The following TRPC4 variants were observed in gnomAD, a reference collection of about 807,000 sequenced individuals.
TRPC4 encodes the protein short transient receptor potential channel 4.
Under a neutral mutation model 99.4 loss-of-function variants are expected in TRPC4, and 49 were observed. The ratio of observed to expected loss-of-function variants is 0.49; its 90% CI spans 0.39 to 0.63. TRPC4 has a LOEUF of 0.63. Ranked by LOEUF, TRPC4 falls within the 20% of genes least tolerant of loss-of-function variation. The pLI is 0.00. For synonymous variants in TRPC4, 454 were observed against 425.9 expected (o/e 1.07, Z -0.81); for missense variants, 898 against 1,152.9 (o/e 0.78, Z 3.20).
chr13:37,824,755 A>C (rs1958146947), intron 1 of TRPC4, among the ~76,000 whole-genome samples: 4 of 152,098 alleles, frequency 2.6e-5, no homozygotes, highest in Admixed American at 1.3e-4. Flanking sequence ...TGTCTCTGCC[A>C]GGCTTTGGTA....
intron 4 of TRPC4, among the ~76,000 whole-genome samples, chr13:37,678,599 T>A (rs987288633): frequency 2.6e-5 from 4 of 152,054 alleles, no homozygotes; most frequent in African/African-American, 9.7e-5. Flanking sequence ...TTAAAGGAAA[T>A]GAACTGGTAG....
chr13:37,744,340 A>G (rs1955679171), intron 3 of TRPC4, among the ~76,000 whole-genome samples: 1 of 152,136 alleles, frequency 6.6e-6, no homozygotes, highest in Admixed American at 6.6e-5. Flanking sequence ...TGTGTAGTAA[A>G]ATTACTCTAG....
chr13:37,791,255 G>A (rs912081609), intron 1 of TRPC4, among the ~76,000 whole-genome samples: 1 of 151,904 alleles, frequency 6.6e-6, no homozygotes, highest in Non-Finnish European at 1.5e-5. Flanking sequence ...AATTAGCCGG[G>A]CATAGTGGCA....
chr13:37,696,916 C>CTTTT (rs5802894), intron 3 of TRPC4, among the ~76,000 whole-genome samples: 1 of 140,990 alleles, frequency 7.1e-6, no homozygotes, highest in South Asian at 2.3e-4. Flanking sequence ...GCTGAAACAT[C>CTTTT]TTTTTTTTTT....
At chr13:37,661,639 C>G (rs1187822031) in intron 6 of TRPC4, among the ~76,000 whole-genome samples, 1 of 152,156 alleles carries the variant, frequency 6.6e-6, no homozygotes, top group East Asian at 1.9e-4. Context: ...AGAGCATTCA[C>G]AAGGGTTCTC....
intron 1 of TRPC4, among the ~76,000 whole-genome samples, chr13:37,848,310 T>C (rs1291636697): frequency 6.6e-6 from 1 of 152,126 alleles, no homozygotes; most frequent in Non-Finnish European, 1.5e-5. Flanking sequence ...TCAAAAATAA[T>C]ATCAATAGTA....
chr13:37,839,835 G>C lies in TRPC4; in HGVS notation c.-28+29760C>G, dbSNP rs113636886. On this transcript the variant is annotated intron_variant, in intron 1 of 10. Coordinates refer to ENST00000379705, the MANE Select transcript of TRPC4 (RefSeq NM_016179.4). ...AAGTCAAATGAAAGACATTGTGAAA[G>C]TGTCTGTCACAGAAAAATTATCATG... 2.9e-3 allele frequency among the ~76,000 whole-genome samples: 440 copies of C among 152,228 alleles called. 4 individuals carry two copies. The highest frequency in any genetic ancestry group is 8.9e-3 in the African/African-American group (371 of 41,556).
chr13:37,670,434 A>G (rs1170177621), intron 5 of TRPC4, among the ~76,000 whole-genome samples: 1 of 152,210 alleles, frequency 6.6e-6, no homozygotes, highest in African/African-American at 2.4e-5. Context: ...ATCCTCAGAT[A>G]GGAGGTAGAA....
rs557344244 is a variant in TRPC4, at chr13:37,632,728, T to G, written c.*4175A>C. ...TTATTATTACCAGTATGCATACAGGTTATCATAAAATCTACACTTCCAGTG... is the reference window on the plus strand; with the variant it reads ...TTATTATTACCAGTATGCATACAGGGTATCATAAAATCTACACTTCCAGTG... On this transcript the variant is annotated 3_prime_UTR_variant, in exon 11 of 11. Coordinates refer to ENST00000379705, the MANE Select transcript of TRPC4 (RefSeq NM_016179.4). Among the ~76,000 whole-genome samples the G allele has an allele frequency of 6.6e-6, 1 of 152,052 alleles. No individual in the cohort carries two copies. Among genetic ancestry groups the G allele is most frequent in the African/African-American group, 2.4e-5 (1 of 41,404 alleles).
intron 3 of TRPC4, among the ~76,000 whole-genome samples, chr13:37,741,257 C>A (rs1423741329): frequency 6.6e-6 from 1 of 152,106 alleles, no homozygotes; most frequent in African/African-American, 2.4e-5. Context: ...ATTTAGTAAT[C>A]TTACAAATAT....
intron 1 of TRPC4, among the ~76,000 whole-genome samples, chr13:37,842,368 AAAGGAAAAG>A (rs1958765517): frequency 7.2e-6 from 1 of 139,000 alleles, no homozygotes; most frequent in South Asian, 2.2e-4. Context: ...AAAAAAAAAA[AAAGGAAAAG>A]GAAAAGTATA....
At chr13:37,733,778 A>C (rs1955311787) in intron 3 of TRPC4, among the ~76,000 whole-genome samples, 1 of 152,164 alleles carries the variant, frequency 6.6e-6, no homozygotes, top group South Asian at 2.1e-4. Flanking sequence ...TTGAAACTGC[A>C]CTAATAATCA....
chr13:37,752,976 CCACA>C (rs4054480), intron 2 of TRPC4, among the ~76,000 whole-genome samples: 2 of 150,552 alleles, frequency 1.3e-5, no homozygotes, highest in Admixed American at 6.6e-5. Context: ...CTTTCTCCCT[CCACA>C]CACACACACA....
intron 1 of TRPC4, among the ~76,000 whole-genome samples, chr13:37,785,598 C>T (rs577770340): frequency 1.3e-4 from 20 of 152,174 alleles, no homozygotes; most frequent in Middle Eastern, 3.4e-3. Context: ...AAAATACACA[C>T]GCACTTACAC....
chr13:37,865,073 G>A (rs1341070927), intron 1 of TRPC4, among the ~76,000 whole-genome samples: 1 of 151,636 alleles, frequency 6.6e-6, no homozygotes, highest in East Asian at 1.9e-4. Flanking sequence ...ATGTCAATAG[G>A]TTTTGGACAC....
chr13:37,728,776 A>C (rs2139071621), intron 3 of TRPC4, among the ~76,000 whole-genome samples: 1 of 152,238 alleles, frequency 6.6e-6, no homozygotes, highest in East Asian at 1.9e-4. Context: ...CCTGATTTCA[A>C]AACTTATTGC....
At position 37,818,057 on chromosome 13, in the gene TRPC4, G is replaced by A. The variant is rs75764916; in HGVS notation, c.-27-34697C>T. On this transcript the variant is annotated intron_variant, in intron 1 of 10. Transcript: ENST00000379705. ...AAATGGGACCTAATTAAACTAAAGC[G>A]CTTTTGCATAGCAAAGAAAATGATT... 9.7e-3 allele frequency among the ~76,000 whole-genome samples: 1,478 copies of A among 152,032 alleles called. 36 individuals are homozygous for A. The East Asian group carries it at 0.1, about 10-fold the overall frequency.
Position 37,663,520 on chromosome 13 carries a change from T to C in TRPC4, c.1584A>G (p.Leu528=), listed in dbSNP as rs1952529658. 6.2e-7 allele frequency: 1 copy of C among 1,614,082 alleles called. No homozygotes were observed. Among genetic ancestry groups the C allele is most frequent in the African/African-American group, 1.3e-5 (1 of 74,932 alleles). ...KFLFIYCLVL[L]AFANGLNQLY... is the part of the protein sequence containing the mutation. ...ATTGATTTAGGCCATTTGCAAATGC[T>C]AGCAACACAAGGCAGTATATGAATA... is the stretch of plus-strand genomic sequence containing the variant. The change falls in exon 6 of 11, where the codon CTA becomes CTG. Residue 528 remains leucine (L), a synonymous_variant. Transcript: ENST00000379705.
intron 3 of TRPC4, among the ~76,000 whole-genome samples, chr13:37,743,945 CA>C (rs536566767): frequency 1.4e-3 from 219 of 152,074 alleles, no homozygotes; most frequent in African/African-American, 5.0e-3. Context: ...TGAGTGCAGG[CA>C]AAAAATAAAT....
Sources: allele counts gnomAD v4.1 joint callset (sites outside exome capture counted in the v4.1 genomes callset), GRCh38; gene constraint gnomAD v4.1.1; transcripts MANE v1.5; gene names NCBI Gene and HGNC (gene_info 2026-07-23, HGNC 2026-07-21).